The following NUDCD1 variants were observed in gnomAD, a reference collection of about 807,000 sequenced individuals.
NUDCD1 encodes nudC domain-containing protein 1.
Under a neutral mutation model 67.8 loss-of-function variants are expected in NUDCD1, and 60 were observed. That is an observed-to-expected ratio of 0.88 (90% confidence interval 0.72 to 1.10). The LOEUF (loss-of-function observed/expected upper bound fraction) is 1.10, where lower values mean the gene tolerates loss of function less well. Ranked by LOEUF, NUDCD1 falls within the 50% of genes least tolerant of loss-of-function variation. The pLI is 0.00. For missense variants in NUDCD1, 643 were observed against 695.0 expected, an observed-to-expected ratio of 0.93 and a Z score of 0.84; for synonymous variants, 244 against 230.8, an observed-to-expected ratio of 1.06 and a Z score of -0.52.
intron 2 of NUDCD1, among the ~76,000 whole-genome samples, chr8:109,313,209 C>G (rs536457847): frequency 1.2e-4 from 19 of 152,174 alleles, no homozygotes; most frequent in Non-Finnish European, 1.9e-4. Context: ...ACTCATTCAA[C>G]CACAGATGCG....
intron 6 of NUDCD1, among the ~76,000 whole-genome samples, chr8:109,280,579 C>T (rs959457756): frequency 1.3e-5 from 2 of 152,168 alleles, no homozygotes; most frequent in African/African-American, 4.8e-5. Flanking sequence ...GCAGACTTCT[C>T]ACTCTACATC....
chr8:109,256,398 A>G (rs1004041916), intron 8 of NUDCD1, among the ~76,000 whole-genome samples: 2 of 152,186 alleles, frequency 1.3e-5, no homozygotes, highest in South Asian at 2.1e-4. Context: ...ATCTCATACA[A>G]TAAGGATAGT....
intron 3 of NUDCD1, among the ~76,000 whole-genome samples, chr8:109,293,790 A>C (rs968478448): frequency 6.6e-6 from 1 of 152,010 alleles, no homozygotes; most frequent in Non-Finnish European, 1.5e-5. Flanking sequence ...CAGTTTCTAG[A>C]TATTGTATAT....
intron 8 of NUDCD1, 65 bp from the exon 9 acceptor site, chr8:109,245,546 C>G (rs879049902): frequency 8.1e-7 from 1 of 1,233,058 alleles, no homozygotes; most frequent in Non-Finnish European, 1.2e-6. Context: ...ATAACAATGG[C>G]AGAAGCTGAC....
intron 8 of NUDCD1, among the ~76,000 whole-genome samples, chr8:109,254,632 A>G (rs562076799): frequency 6.6e-6 from 1 of 152,232 alleles, no homozygotes; most frequent in African/African-American, 2.4e-5. Flanking sequence ...AATGAAGACT[A>G]CAATTAGAGT....
chr8:109,323,836 G>A (rs190778120), intron 1 of NUDCD1, among the ~76,000 whole-genome samples: 1 of 152,006 alleles, frequency 6.6e-6, no homozygotes, highest in Non-Finnish European at 1.5e-5. Context: ...ACTGGGAAAA[G>A]GATACCTTCC....
chr8:109,316,782 A>C (rs1303576009), intron 2 of NUDCD1, among the ~76,000 whole-genome samples: 1 of 152,216 alleles, frequency 6.6e-6, no homozygotes, highest in African/African-American at 2.4e-5. Context: ...GCTTGATAAA[A>C]TGCAGGTTCC....
rs186175342 is a variant in NUDCD1 at position 109,280,914 on chromosome 8, A to G, written c.1028+54T>C. 1.3e-3 allele frequency: 1,136 copies of G among 877,794 alleles called. 1 individual carries two copies. Among genetic ancestry groups the G allele is most frequent in the Middle Eastern group, 1.8e-3 (5 of 2,806 alleles). The allele number at this position is 877,794 out of a possible 1,614,324, so 54.4% of individuals were successfully genotyped here. A position where few individuals can be genotyped will look rare whatever the true frequency, so the allele number is the denominator to read the frequency against. On this transcript the variant is annotated intron_variant, in intron 6 of 9. Coordinates refer to ENST00000239690, the MANE Select transcript of NUDCD1 (RefSeq NM_032869.4). ...TGATGTAACCACTGTGGAAAGAGTA[A>G]AAAGAAAAGAAAAAAAGATAATAGA...
intron 8 of NUDCD1, among the ~76,000 whole-genome samples, chr8:109,265,432 C>A (rs1813972199): frequency 6.6e-6 from 1 of 152,070 alleles, no homozygotes; most frequent in African/African-American, 2.4e-5. Flanking sequence ...ATTATAAATG[C>A]TCTAATAACT....
intron 8 of NUDCD1, among the ~76,000 whole-genome samples, chr8:109,252,544 G>A (rs538350907): frequency 6.6e-6 from 1 of 152,192 alleles, no homozygotes; most frequent in African/African-American, 2.4e-5. Flanking sequence ...ATCTTCTAAT[G>A]TCCTGCCCTC....
rs150705202 is a variant in NUDCD1, at chr8:109,293,351, T to A, written c.633A>T (p.Lys211Asn). 5.8e-6 allele frequency: 9 copies of A among 1,540,174 alleles called. No homozygotes were observed. Among genetic ancestry groups the A allele is most frequent in the East Asian group, 2.4e-5 (1 of 41,946 alleles). Reference protein sequence around the residue: ...VSLEWVTISKKNQDNKKYEII... With the variant: ...VSLEWVTISKNNQDNKKYEII... ...TTCAGACTTTTGTTTTACCTTGATT[T>A]TTCTTACTGATAGTGACCCACTCCA... is the stretch of plus-strand genomic sequence containing the variant. The change falls in exon 4 of 10, where the codon AAA becomes AAT. Residue 211 changes from lysine (K) to asparagine (N), a missense_variant. Lys to Asn is a moderately conservative substitution (Grantham distance 94). Transcript: ENST00000239690.
At chr8:109,279,405 T>C (rs1405971820) in intron 6 of NUDCD1, among the ~76,000 whole-genome samples, 1 of 152,202 alleles carries the variant, frequency 6.6e-6, no homozygotes, top group Non-Finnish European at 1.5e-5. Context: ...TCTTCTATTG[T>C]GACATGTCTA....
At chr8:109,312,298 CAAAAAAAAAAAAAA>C (rs5893951) in intron 2 of NUDCD1, among the ~76,000 whole-genome samples, 1 of 82,610 alleles carries the variant, frequency 1.2e-5, no homozygotes, top group African/African-American at 4.7e-5. Context: ...GAGACACTGT[CAAAAAAAAAAAAAA>C]AAAAAAAAGC....
intron 2 of NUDCD1, among the ~76,000 whole-genome samples, chr8:109,302,562 T>C (rs1454730701): frequency 6.6e-6 from 1 of 151,782 alleles, no homozygotes. Flanking sequence ...TCCTATTACC[T>C]CCCCTCCTTA....
intron 8 of NUDCD1, among the ~76,000 whole-genome samples, chr8:109,255,472 T>G (rs1049864471): frequency 1.1e-4 from 17 of 152,154 alleles, no homozygotes; most frequent in African/African-American, 3.9e-4. Context: ...GCACTTAAAT[T>G]TCTACTTTAA....
chr8:109,271,756 C>T (rs946132540), intron 7 of NUDCD1, among the ~76,000 whole-genome samples: 41 of 151,834 alleles, frequency 2.7e-4, no homozygotes, highest in African/African-American at 9.4e-4. Flanking sequence ...TTCTGAAAAG[C>T]AGAAATAAAG....
chr8:109,264,134 G>A (rs968552735), intron 8 of NUDCD1, among the ~76,000 whole-genome samples: 5 of 152,126 alleles, frequency 3.3e-5, no homozygotes, highest in East Asian at 1.9e-4. Flanking sequence ...CTTGGGAATC[G>A]TTTGAGTTGC....
At chr8:109,310,532 A>T (rs1477145771) in intron 2 of NUDCD1, among the ~76,000 whole-genome samples, 1 of 152,236 alleles carries the variant, frequency 6.6e-6, no homozygotes, top group Non-Finnish European at 1.5e-5. Flanking sequence ...ATAACATTGG[A>T]AAAACCCTTC....
chr8:109,245,045 A>C (rs1057085824), intron 9 of NUDCD1, among the ~76,000 whole-genome samples: 1 of 152,172 alleles, frequency 6.6e-6, no homozygotes, highest in African/African-American at 2.4e-5. Context: ...ACAGAATTAG[A>C]AAAAGCAAAT....
Sources: allele counts gnomAD v4.1 joint callset (sites outside exome capture counted in the v4.1 genomes callset), GRCh38; gene constraint gnomAD v4.1.1; transcripts MANE v1.5; gene names NCBI Gene and HGNC (gene_info 2026-07-23, HGNC 2026-07-21).